Variants in FRMD3 observed in about 807,000 individuals in gnomAD.
The protein encoded by FRMD3 is FERM domain-containing protein 3.
In FRMD3, 33 loss-of-function variants were observed where a neutral mutation model predicts 70.2. The ratio of observed to expected loss-of-function variants is 0.47; its 90% confidence interval spans 0.36 to 0.63. FRMD3 has a LOEUF of 0.63. Among genes scored for constraint, FRMD3 ranks in the 20% least tolerant of loss-of-function variants. The pLI, the probability that FRMD3 is intolerant of heterozygous loss-of-function variation, is 0.00. For synonymous variants in FRMD3, 279 were observed against 255.9 expected (o/e 1.09, Z -0.86); for missense variants, 632 against 711.4 (o/e 0.89, Z 1.27).
At chr9:83,548,946 CT>C in the FRMD3 span, among the ~76,000 whole-genome samples, 1 of 152,148 alleles carries the variant, frequency 6.6e-6, no homozygotes, top group African/African-American at 2.4e-5. Context: ...TGATCACAAT[CT>C]GTTACAGATT....
chr9:83,573,869 T>G, the FRMD3 span, among the ~76,000 whole-genome samples: 15 of 152,054 alleles, frequency 9.9e-5, no homozygotes, highest in Non-Finnish European at 2.2e-4. Flanking sequence ...AAAGGGATTT[T>G]GGTCAAGTTT....
intron 1 of FRMD3, among the ~76,000 whole-genome samples, chr9:83,483,949 T>G (rs1036804386): frequency 6.6e-6 from 1 of 152,218 alleles, no homozygotes; most frequent in Non-Finnish European, 1.5e-5. Context: ...GAAAAGTGTT[T>G]CAAGAAAAGC....
At chr9:83,421,898 C>A (rs1341442469) in intron 1 of FRMD3, among the ~76,000 whole-genome samples, 1 of 152,166 alleles carries the variant, frequency 6.6e-6, no homozygotes, top group Non-Finnish European at 1.5e-5. Context: ...AATGGACTCT[C>A]TCTACACTGA....
chr9:83,246,200 C>A lies in FRMD3; in HGVS notation c.*1718G>T. 2.0e-6 allele frequency: 2 copies of A among 985,126 alleles called. No homozygotes were observed. The highest frequency in any genetic ancestry group is 9.4e-5 in the South Asian group (2 of 21,254). The allele number at this position is 985,126 out of a possible 1,614,324, so 61.0% of individuals were successfully genotyped here. On this transcript the variant is annotated 3_prime_UTR_variant, in exon 14 of 14. Coordinates refer to ENST00000304195, the MANE Select transcript of FRMD3 (RefSeq NM_174938.6). ...ATGTCATTAGCTAGAGAGAGCGATT[C>A]CAAGTGGGCCCTGTAACTTTGTACA...
At chr9:83,445,354 A>ATAGC (rs1827426555) in intron 1 of FRMD3, among the ~76,000 whole-genome samples, 1 of 147,978 alleles carries the variant, frequency 6.8e-6, no homozygotes, top group African/African-American at 2.5e-5. Flanking sequence ...AGATAGATAG[A>ATAGC]TAGATAGATA....
the FRMD3 span, among the ~76,000 whole-genome samples, chr9:83,544,397 G>A: frequency 6.6e-6 from 1 of 152,134 alleles, no homozygotes; most frequent in Non-Finnish European, 1.5e-5. Flanking sequence ...GAACAAGCCT[G>A]GCAGTCCAGC....
chr9:83,538,282 C>A lies in FRMD3; in HGVS notation c.-51G>T, dbSNP rs983941416. On this transcript the variant is annotated 5_prime_UTR_variant, in exon 1 of 14. Transcript: ENST00000304195. This position sits in a 1 kb window ranked among gnomAD's most constrained non-coding sequence, Gnocchi z 4.7. ...GGAGGCTCAGGGCCGGCGCGGTGCT[C>A]GCCTGCGCGGACACACACGCTCGCA... 5 of 1,521,262 alleles carry A rather than the reference C, an allele frequency of 3.3e-6. No homozygotes were observed. The highest frequency in any genetic ancestry group is 4.0e-5 in the Admixed American group (2 of 49,858). The allele number at this position is 1,521,262 out of a possible 1,614,324, so 94.2% of individuals were successfully genotyped here.
At chr9:83,249,089 G>A (rs1832276311) in intron 13 of FRMD3, among the ~76,000 whole-genome samples, 1 of 151,962 alleles carries the variant, frequency 6.6e-6, no homozygotes, top group East Asian at 1.9e-4. Flanking sequence ...ATTCCCATTG[G>A]TATTATTTAT....
rs1224167961 is a variant in FRMD3 at position 83,402,730 on chromosome 9, C to T, written c.148-13022G>A. On this transcript the variant is annotated intron_variant, in intron 1 of 13. Coordinates refer to ENST00000304195, the MANE Select transcript of FRMD3 (RefSeq NM_174938.6). ...TTTTTAAAGAGAAACAGGTCAGTAG[C>T]AAAAATACTTGAAAAGAAATTCAAA... Among the ~76,000 whole-genome samples the T allele has an allele frequency of 2.0e-5, 3 of 151,840 alleles. No homozygotes were observed. In the South Asian group the frequency reaches 6.2e-4, roughly 32 times the overall value.
intron 1 of FRMD3, among the ~76,000 whole-genome samples, chr9:83,397,696 G>C (rs748894235): frequency 1.1e-4 from 17 of 152,110 alleles, no homozygotes; most frequent in Non-Finnish European, 1.5e-4. Flanking sequence ...TTGTTCAAAG[G>C]GCTCTGTTGC....
At chr9:83,328,181 T>TAAA (rs373851850) in intron 6 of FRMD3, among the ~76,000 whole-genome samples, 1 of 143,360 alleles carries the variant, frequency 7.0e-6, no homozygotes, top group Non-Finnish European at 1.5e-5. Flanking sequence ...TCCTTATCTG[T>TAAA]AAAAAAAAAA....
Position 83,511,770 on chromosome 9 carries a change from G to C in FRMD3, c.147+26315C>G, listed in dbSNP as rs1405778245. On this transcript the variant is annotated intron_variant, in intron 1 of 13. Coordinates refer to ENST00000304195, the MANE Select transcript of FRMD3 (RefSeq NM_174938.6). ...ATTCACAACTGCTCAAAATACCAGG[G>C]ACGCATGTCAGGGATGAACCCACTC... Among the ~76,000 whole-genome samples the C allele has an allele frequency of 2.0e-5, 3 of 152,280 alleles. No homozygotes were observed. In the East Asian group the frequency reaches 5.8e-4, roughly 29 times the overall value.
rs1554705416 is a variant in FRMD3, at chr9:83,438,413, T to TTTGTTTTGTTTTGTTTTGTTTTG, written c.148-48706_148-48705insCAAAACAAAACAAAACAAAACAA. 6.0e-5 allele frequency among the ~76,000 whole-genome samples: 9 copies of TTTGTTTTGTTTTGTTTTGTTTTG among 151,246 alleles called. No individual in the cohort carries two copies. The East Asian group carries it at 1.6e-3, about 26-fold the overall frequency. On this transcript the variant is annotated intron_variant, in intron 1 of 13. Transcript: ENST00000304195. The stretch of plus-strand genomic sequence containing the variant: ...CTACCTGTCTCAGAAGAGAGTTTTT[T>TTTGTTTTGTTTTGTTTTGTTTTG]TTTTGTTTTGTTTTGTTTTGTTTTG...
chr9:83,290,524 T>C lies in FRMD3; in HGVS notation c.1195+79A>G, dbSNP rs948883568. ...CCATACACTAATCAATTACCCATCA[T>C]ATGCAGAATTGGCGCCTCCCTTGTT... On this transcript the variant is annotated intron_variant, in intron 13 of 13. Transcript: ENST00000304195. 8.7e-6 allele frequency: 13 copies of C among 1,497,322 alleles called. No individual in the cohort carries two copies. In the African/African-American group the frequency reaches 9.6e-5, roughly 11 times the overall value. The allele number at this position is 1,497,322 out of a possible 1,614,324, so 92.8% of individuals were successfully genotyped here. A position where few individuals can be genotyped will look rare whatever the true frequency, so the allele number is the denominator to read the frequency against.
the FRMD3 span, among the ~76,000 whole-genome samples, chr9:83,582,934 G>C: frequency 2.6e-5 from 4 of 152,106 alleles, no homozygotes; most frequent in Non-Finnish European, 5.9e-5. Context: ...ATTTGGGATC[G>C]ATAAGCCTAT....
At chr9:83,303,199 A>G (rs1298828523) in intron 10 of FRMD3, among the ~76,000 whole-genome samples, 1 of 152,220 alleles carries the variant, frequency 6.6e-6, no homozygotes, top group African/African-American at 2.4e-5. Flanking sequence ...AGCATTTACT[A>G]CTGAGCCTTT....
At chr9:83,271,934 T>C (rs1033666196) in intron 13 of FRMD3, among the ~76,000 whole-genome samples, 2 of 152,312 alleles carry the variant, frequency 1.3e-5, no homozygotes, top group African/African-American at 4.8e-5. Flanking sequence ...TTTTCCTGAC[T>C]CTCCAACTTA....
At chr9:83,565,297 T>C in the FRMD3 span, among the ~76,000 whole-genome samples, 2 of 152,190 alleles carry the variant, frequency 1.3e-5, no homozygotes, top group Non-Finnish European at 2.9e-5. Context: ...AACCAGGTCA[T>C]CTCAAGCACG....
intron 3 of FRMD3, among the ~76,000 whole-genome samples, chr9:83,368,560 G>A (rs940513478): frequency 1.3e-5 from 2 of 152,138 alleles, no homozygotes; most frequent in African/African-American, 4.8e-5. Flanking sequence ...ACATCTTAAT[G>A]TAAAAATGTA....
Sources: gnomAD v4.1 joint callset for allele counts (sites outside exome capture counted in the v4.1 genomes callset) on GRCh38, gnomAD v4.1.1 for gene constraint, Gnocchi (gnomAD v3.1) non-coding constraint, MANE v1.5 for transcripts, NCBI Gene and HGNC (gene_info 2026-07-23, HGNC 2026-07-21) for gene names.